MIR2052HG: variants seen among roughly 807,000 people sequenced by gnomAD.
The protein encoded by MIR2052HG is MIR2052 host gene.
chr8:74,616,814 T>A (rs1165989880), intron 2 of MIR2052HG, among the ~76,000 whole-genome samples: 2 of 152,180 alleles, frequency 1.3e-5, no homozygotes, highest in African/African-American at 4.8e-5. Context: ...CTCTGTTTAC[T>A]CTTGATCTGA....
At chr8:74,664,199 A>G (rs1368207485) in intron 2 of MIR2052HG, among the ~76,000 whole-genome samples, 1 of 152,030 alleles carries the variant, frequency 6.6e-6, no homozygotes, top group Non-Finnish European at 1.5e-5. Flanking sequence ...TCAGATGACA[A>G]GTGCACTAAA....
intron 5 of MIR2052HG, among the ~76,000 whole-genome samples, chr8:74,756,226 A>C (rs933872138): frequency 2.0e-5 from 3 of 152,192 alleles, no homozygotes; most frequent in African/African-American, 7.2e-5. Flanking sequence ...TCTGAAATGG[A>C]ATGCAAATTT....
At chr8:74,681,151 C>T (rs1232974327) in intron 2 of MIR2052HG, among the ~76,000 whole-genome samples, 1 of 151,112 alleles carries the variant, frequency 6.6e-6, no homozygotes, top group Non-Finnish European at 1.5e-5. Flanking sequence ...CAGCATGGCA[C>T]ATGTATACAT....
intron 2 of MIR2052HG, among the ~76,000 whole-genome samples, chr8:74,676,062 T>A (rs923586148): frequency 2.6e-5 from 4 of 152,048 alleles, no homozygotes; most frequent in Admixed American, 2.6e-4. Context: ...TATGGAATAA[T>A]GTCTTCAATA....
intron 2 of MIR2052HG, among the ~76,000 whole-genome samples, chr8:74,678,110 T>C (rs545194088): frequency 2.0e-5 from 3 of 152,270 alleles, no homozygotes; most frequent in African/African-American, 7.2e-5. Context: ...GAAGAGATAA[T>C]AATTTGAATT....
At chr8:74,604,580 T>C (rs1316173544) in intron 1 of MIR2052HG, among the ~76,000 whole-genome samples, 11 of 133,854 alleles carry the variant, frequency 8.2e-5, no homozygotes, top group Non-Finnish European at 3.1e-5. Flanking sequence ...CCTTGTTTCT[T>C]TACTTTTTTT....
At chr8:74,628,156 A>G (rs1357191285) in intron 2 of MIR2052HG, among the ~76,000 whole-genome samples, 1 of 152,180 alleles carries the variant, frequency 6.6e-6, no homozygotes, top group Non-Finnish European at 1.5e-5. Flanking sequence ...ACAGATACCT[A>G]TTACAAAAGA....
chr8:74,739,549 C>G (rs1289293217), intron 4 of MIR2052HG, among the ~76,000 whole-genome samples: 1 of 151,972 alleles, frequency 6.6e-6, no homozygotes, highest in Admixed American at 6.6e-5. Flanking sequence ...TTCCCCAGAA[C>G]TTTCATAGGA....
intron 2 of MIR2052HG, among the ~76,000 whole-genome samples, chr8:74,641,257 G>C (rs1233013854): frequency 1.3e-5 from 2 of 152,098 alleles, no homozygotes; most frequent in Admixed American, 6.6e-5. Flanking sequence ...GGTCCTAAAA[G>C]CTCTTCATAT....
intron 4 of MIR2052HG, among the ~76,000 whole-genome samples, chr8:74,743,753 A>C (rs1178784921): frequency 6.6e-6 from 1 of 152,206 alleles, no homozygotes; most frequent in Non-Finnish European, 1.5e-5. Flanking sequence ...CTTACAACCC[A>C]GTCCCACATC....
intron 2 of MIR2052HG, among the ~76,000 whole-genome samples, chr8:74,685,904 C>A (rs1030217756): frequency 6.6e-6 from 1 of 151,906 alleles, no homozygotes; most frequent in Non-Finnish European, 1.5e-5. Context: ...AATTTTAAAT[C>A]GTTTAAAAAT....
intron 2 of MIR2052HG, among the ~76,000 whole-genome samples, chr8:74,679,775 C>G (rs1809100056): frequency 6.6e-6 from 1 of 152,080 alleles, no homozygotes; most frequent in Middle Eastern, 3.4e-3. Context: ...CTCCTGACCT[C>G]AAGTGATCCA....
chr8:74,603,307 C>A, intron 1 of MIR2052HG: 1 of 1,596,572 alleles, frequency 6.3e-7, no homozygotes. Context: ...CCCCATGCCA[C>A]CCGTCTCCGA....
At chr8:74,733,243 C>A (rs1046444968) in intron 4 of MIR2052HG, among the ~76,000 whole-genome samples, 8 of 151,998 alleles carry the variant, frequency 5.3e-5, no homozygotes, top group Non-Finnish European at 1.0e-4. Context: ...CTCCCCACCC[C>A]ACAACAGGCC....
chr8:74,612,168 C>T (rs1210112325), intron 1 of MIR2052HG, among the ~76,000 whole-genome samples: 1 of 152,186 alleles, frequency 6.6e-6, no homozygotes, highest in African/African-American at 2.4e-5. Context: ...GGAACAGAGC[C>T]TGGACTGTTC....
At chr8:74,697,190 TATG>T (rs543564075) in intron 2 of MIR2052HG, among the ~76,000 whole-genome samples, 72 of 152,196 alleles carry the variant, frequency 4.7e-4, no homozygotes, top group South Asian at 1.0e-3. Context: ...AGTCAATAAA[TATG>T]ATACACCACA....
chr8:74,643,080 G>T (rs1808656407), intron 2 of MIR2052HG, among the ~76,000 whole-genome samples: 1 of 152,168 alleles, frequency 6.6e-6, no homozygotes, highest in African/African-American at 2.4e-5. Context: ...AGACACATAT[G>T]TCTGCTGTCT....
chr8:74,602,865 C>CTTTCTT (rs1554570063), intron 1 of MIR2052HG, among the ~76,000 whole-genome samples: 16 of 142,768 alleles, frequency 1.1e-4, no homozygotes, highest in African/African-American at 4.2e-4. Context: ...TTCTTTCTTT[C>CTTTCTT]TTTCTTTCTT....
intron 2 of MIR2052HG, among the ~76,000 whole-genome samples, chr8:74,666,286 T>G (rs1399063146): frequency 6.6e-6 from 1 of 152,106 alleles, no homozygotes; most frequent in Admixed American, 6.5e-5. Flanking sequence ...ACATAATTCT[T>G]TTACTTAAAA....
Sources: gnomAD v4.1 joint callset for allele counts (sites outside exome capture counted in the v4.1 genomes callset) on GRCh38, gnomAD v4.1.1 for gene constraint, MANE v1.5 for transcripts, NCBI Gene and HGNC (gene_info 2026-07-23, HGNC 2026-07-21) for gene names.